CCDC81: variants seen among roughly 807,000 people sequenced by gnomAD.
The protein encoded by CCDC81 is coiled-coil domain containing 81.
A neutral mutation model predicts 83.7 loss-of-function variants in CCDC81; 79 were observed. The ratio of observed to expected loss-of-function variants is 0.94; its 90% CI spans 0.79 to 1.14. The LOEUF is 1.14. Among genes scored for constraint, CCDC81 ranks in the 50% most tolerant of loss-of-function variants. The pLI is 0.00. For synonymous variants in CCDC81, 252 were observed against 278.1 expected (o/e 0.91, Z 0.93); for missense variants, 791 against 778.1 (o/e 1.02, Z -0.20).
At chr11:86,398,895 A>G (rs1436605843) in intron 6 of CCDC81, among the ~76,000 whole-genome samples, 2 of 152,128 alleles carry the variant, frequency 1.3e-5, no homozygotes, top group African/African-American at 4.8e-5. Flanking sequence ...AAAGGGTCCT[A>G]GGGACCCCAA....
At chr11:86,412,344 T>C in intron 10 of CCDC81, 43 bp from the exon 11 acceptor site, 1 of 1,417,464 alleles carries the variant, frequency 7.1e-7, no homozygotes. Flanking sequence ...AACCTTGTTT[T>C]TCAGTACTCT....
At chr11:86,400,038 G>A (rs2138519948) in intron 6 of CCDC81, among the ~76,000 whole-genome samples, 1 of 151,894 alleles carries the variant, frequency 6.6e-6, no homozygotes, top group South Asian at 2.1e-4. Flanking sequence ...GGCTGAGGTG[G>A]GAGAATTGCT....
In CCDC81 at chr11:86,400,813, A is replaced by G. The variant is rs1343927388; in HGVS notation, c.881+12A>G. On this transcript the variant is annotated intron_variant, in intron 7 of 14. Transcript: ENST00000445632. ...ATGACCCCTGAAAGGTAATGCATTG[A>G]CTTTTTTTTTTCTGTTGTACTTTAC... 1.3e-6 allele frequency: 2 copies of G among 1,574,972 alleles called. No individual in the cohort carries two copies. Among genetic ancestry groups the G allele is most frequent in the Non-Finnish European group, 1.7e-6 (2 of 1,155,602 alleles).
intron 1 of CCDC81, among the ~76,000 whole-genome samples, chr11:86,383,468 C>T (rs941055017): frequency 6.6e-6 from 1 of 152,078 alleles, no homozygotes; most frequent in Admixed American, 6.6e-5. Context: ...GATACAGTAT[C>T]CTGTTACTTG....
chr11:86,402,731 G>A (rs2138523672), intron 7 of CCDC81, among the ~76,000 whole-genome samples: 1 of 152,260 alleles, frequency 6.6e-6, no homozygotes, highest in Middle Eastern at 3.4e-3. Context: ...ACAGTAATAT[G>A]AGAGAGTGCT....
chr11:86,422,655 G>T lies in CCDC81; in HGVS notation c.1899G>T (p.Val633=), dbSNP rs2138550372. ...CKQCQRRTSN[V]GESNLWPLNK... ...AATGCCAGAGGCGCACCTCCAACGT[G>T]GGCGAGAGCAACCTGTGGCCCCTGA... The change falls in exon 15 of 15, where the codon GTG becomes GTT. Residue 633 remains valine (V), a synonymous_variant. Transcript: ENST00000445632. The T allele has an allele frequency of 1.9e-6, 3 of 1,614,134 alleles. No homozygotes were observed. The highest frequency in any genetic ancestry group is 2.2e-5 in the East Asian group (1 of 44,888).
Position 86,400,815 on chromosome 11 carries a change from T to G in CCDC81, c.881+14T>G. On this transcript the variant is annotated intron_variant, in intron 7 of 14. Coordinates refer to ENST00000445632, the MANE Select transcript of CCDC81 (RefSeq NM_001156474.2). Reference sequence around the variant, plus strand: ...GACCCCTGAAAGGTAATGCATTGACTTTTTTTTTTCTGTTGTACTTTACTA... The same window carrying G: ...GACCCCTGAAAGGTAATGCATTGACGTTTTTTTTTCTGTTGTACTTTACTA... 6.7e-7 allele frequency: 1 copy of G among 1,490,136 alleles called. No individual in the cohort carries two copies. The allele number at this position is 1,490,136 out of a possible 1,614,324, so 92.3% of individuals were successfully genotyped here.
intron 14 of CCDC81, among the ~76,000 whole-genome samples, chr11:86,420,624 A>G (rs1374497694): frequency 6.6e-6 from 1 of 152,270 alleles, no homozygotes; most frequent in Non-Finnish European, 1.5e-5. Flanking sequence ...GATGAAACAG[A>G]TCAAGTCTAT....
At chr11:86,392,911 C>T in intron 4 of CCDC81, 114 bp downstream of exon 4, 5 of 1,171,228 alleles carry the variant, frequency 4.3e-6, no homozygotes, top group East Asian at 2.6e-5. Flanking sequence ...TGACAGTTAC[C>T]TGAAGTACAT....
rs576120897 is a variant in CCDC81, at chr11:86,385,111, G to A, written c.80-940G>A. ...TTTAAAAAATTATTATTTGAGGCTGGGCATGGTGGCTCATGCCTGTAATCC... is the reference window on the plus strand; with the variant it reads ...TTTAAAAAATTATTATTTGAGGCTGAGCATGGTGGCTCATGCCTGTAATCC... On this transcript the variant is annotated intron_variant, in intron 1 of 14. Transcript: ENST00000445632. 6.0e-3 allele frequency among the ~76,000 whole-genome samples: 908 copies of A among 152,298 alleles called. 10 individuals carry two copies. The highest frequency in any genetic ancestry group is 0.021 in the African/African-American group (874 of 41,550).
intron 1 of CCDC81, 66 bp downstream of exon 1, chr11:86,375,308 G>A (rs1275316158): frequency 3.6e-6 from 5 of 1,404,638 alleles, no homozygotes; most frequent in South Asian, 2.4e-5. Context: ...CAGGGGAGGC[G>A]GGGGGACCCA....
At chr11:86,396,896 T>C (rs17817929) in intron 5 of CCDC81, among the ~76,000 whole-genome samples, 3,029 of 152,306 alleles carry the variant, frequency 0.02, 190 homozygotes, top group East Asian at 0.18. Context: ...GAAATAATTA[T>C]AGTGGGTCAA....
chr11:86,409,223 A>C (rs1263011640), intron 9 of CCDC81, 38 bp from the exon 10 acceptor site: 1 of 1,120,106 alleles, frequency 8.9e-7, no homozygotes, highest in South Asian at 2.1e-5. Context: ...ATGTAATTTA[A>C]AATTTAAAAA....
intron 9 of CCDC81, 53 bp downstream of exon 9, chr11:86,408,323 A>G (rs1948591609): frequency 3.9e-5 from 57 of 1,472,698 alleles, no homozygotes; most frequent in Non-Finnish European, 4.9e-5. Context: ...ACATGATTAT[A>G]TAATGTAATT....
intron 5 of CCDC81, among the ~76,000 whole-genome samples, chr11:86,396,985 T>A (rs1948418763): frequency 6.6e-6 from 1 of 152,136 alleles, no homozygotes; most frequent in Non-Finnish European, 1.5e-5. Flanking sequence ...CAATTGTTGG[T>A]GTTTTATTTA....
At chr11:86,410,706 C>T (rs1322578779) in intron 10 of CCDC81, among the ~76,000 whole-genome samples, 1 of 152,144 alleles carries the variant, frequency 6.6e-6, no homozygotes, top group African/African-American at 2.4e-5. Context: ...TTTAAAAAGA[C>T]CTAAACAGAA....
rs1314240830 is a variant in CCDC81, at chr11:86,381,817, T to C, written c.80-4234T>C. The stretch of plus-strand genomic sequence containing the variant: ...GAGAACATTTAATAGAGAGTAAGGA[T>C]GGGGGTGTGTGCCAAGAATGGCTAA... On this transcript the variant is annotated intron_variant, in intron 1 of 14. Coordinates refer to ENST00000445632, the MANE Select transcript of CCDC81 (RefSeq NM_001156474.2). 2.6e-5 allele frequency among the ~76,000 whole-genome samples: 4 copies of C among 151,950 alleles called. No individual in the cohort carries two copies. In the South Asian group the frequency reaches 6.3e-4, roughly 24 times the overall value.
chr11:86,382,583 C>T (rs1040013324), intron 1 of CCDC81, among the ~76,000 whole-genome samples: 8 of 152,156 alleles, frequency 5.3e-5, no homozygotes, highest in Non-Finnish European at 1.2e-4. Context: ...GTTGGATAAA[C>T]GGGTCCAGAA....
intron 13 of CCDC81, among the ~76,000 whole-genome samples, chr11:86,417,199 C>T (rs566897172): frequency 2.7e-5 from 4 of 147,234 alleles, no homozygotes; most frequent in Admixed American, 1.4e-4. Context: ...GCTGAGATTG[C>T]GCCACTGCAC....
Sources: gnomAD v4.1 joint callset for allele counts (sites outside exome capture counted in the v4.1 genomes callset) on GRCh38, gnomAD v4.1.1 for gene constraint, MANE v1.5 for transcripts, NCBI Gene and HGNC (gene_info 2026-07-23, HGNC 2026-07-21) for gene names.